CCDC78: variants seen among roughly 807,000 people sequenced by gnomAD.
CCDC78 encodes the protein coiled-coil domain-containing protein 78.
CCDC78 carries 78 observed loss-of-function variants against 61.9 expected under a neutral mutation model. The ratio of observed to expected loss-of-function variants is 1.26; its 90% confidence interval spans 1.05 to 1.52. The LOEUF is 1.52. Ranked by LOEUF, CCDC78 falls within the 40% of genes most tolerant of loss-of-function variation. The pLI is 0.00. For synonymous variants in CCDC78, 287 were observed against 251.9 expected (o/e 1.14, Z -1.32); for missense variants, 737 against 615.5 (o/e 1.20, Z -2.09).
chr16:725,072 ACT>A lies in CCDC78; in HGVS notation c.560+4_560+5del. On this transcript the variant is annotated splice_donor_5th_base_variant and intron_variant, in intron 6 of 13. Coordinates refer to ENST00000345165, the MANE Select transcript of CCDC78 (RefSeq NM_001378030.1). ...GGATGGGGCCCCAGGTGAGATGGCC[ACT>A]CACACACGCGTCACCAGTGCCTGCT... 6.2e-7 allele frequency: 1 copy of A among 1,612,594 alleles called. No individual in the cohort carries two copies.
At position 726,068 on chromosome 16, in the gene CCDC78, C is replaced by T. The variant is rs751982857; in HGVS notation, c.78G>A (p.Lys26=). The T allele has an allele frequency of 6.5e-7, 1 of 1,548,650 alleles. No individual in the cohort carries two copies. Among genetic ancestry groups the T allele is most frequent in the Non-Finnish European group, 8.7e-7 (1 of 1,146,702 alleles). ...RRVENVVLRA[K]DWLPGAPGGT... is the part of the protein sequence containing the mutation. ...CCCCAGGAGCTCCTGGCAGCCAGTC[C>T]TTGGCTCGTAGCACAACCTGGGGAG... Residue 26 remains lysine, a synonymous_variant, in exon 2 of 14, where the codon AAG becomes AAA. Transcript: ENST00000345165.
At position 722,976 on chromosome 16, in the gene CCDC78, A is replaced by G. The variant is rs1180613590; in HGVS notation, c.1247T>C (p.Met416Thr). The G allele has an allele frequency of 8.1e-6, 13 of 1,612,360 alleles. No homozygotes were observed. Among genetic ancestry groups the G allele is most frequent in the African/African-American group, 4.0e-5 (3 of 74,930 alleles). Residue 416 changes from methionine (M) to threonine (T), a missense_variant, in exon 13 of 14, where the codon ATG becomes ACG. Met to Thr is a moderately conservative substitution (Grantham distance 81). Transcript: ENST00000345165. The stretch of plus-strand genomic sequence containing the variant: ...TAGCTCAGAAAGTTGCTCTTCAGCC[A>G]TCGTGGCCCGGACCAGCAGCTGTGC... ...ERAQLLVRAT[M>T]AEEQLSELQE...
At chr16:724,558 C>T (rs1430293000) in intron 8 of CCDC78, 49 bp from the exon 9 acceptor site, 3 of 1,562,326 alleles carry the variant, frequency 1.9e-6, no homozygotes, top group South Asian at 1.1e-5. Flanking sequence ...CCATCTTTTC[C>T]AACCATCCCC....
intron 11 of CCDC78, 22 bp from the exon 12 acceptor site, chr16:723,183 G>A (rs2040396592): frequency 4.3e-6 from 7 of 1,611,698 alleles, no homozygotes; most frequent in East Asian, 2.2e-5. Flanking sequence ...GAGGAAAGGA[G>A]GAGTGGTTTT....
chr16:726,063 C>G lies in CCDC78; in HGVS notation c.83G>C (p.Trp28Ser). Residue 28 changes from tryptophan (W) to serine (S), a missense_variant, in exon 2 of 14, where the codon TGG becomes TCG. Coordinates refer to ENST00000345165, the MANE Select transcript of CCDC78 (RefSeq NM_001378030.1). The part of the protein sequence containing the change: ...VENVVLRAKD[W>S]LPGAPGGTAV... The stretch of plus-strand genomic sequence containing the variant: ...GGTGCCCCCAGGAGCTCCTGGCAGC[C>G]AGTCCTTGGCTCGTAGCACAACCTG... The G allele has an allele frequency of 1.9e-6, 3 of 1,548,754 alleles. No individual in the cohort carries two copies. In the South Asian group the frequency reaches 3.6e-5, roughly 18 times the overall value.
intron 3 of CCDC78, 79 bp from the exon 4 acceptor site, chr16:725,659 C>T (rs2040834594): frequency 1.3e-6 from 2 of 1,577,094 alleles, no homozygotes; most frequent in Non-Finnish European, 1.7e-6. Context: ...GGTGCACGCT[C>T]AGGGGCGCGC....
chr16:725,387 C>A (rs766880200), intron 4 of CCDC78, 26 bp downstream of exon 4: 19 of 1,611,842 alleles, frequency 1.2e-5, no homozygotes, highest in Non-Finnish European at 1.6e-5. Flanking sequence ...CTTTCCCAGC[C>A]AGGCTCTCCA....
rs1046402338 is a variant in CCDC78, at chr16:726,318, C to A, written c.50G>T (p.Arg17Leu). ...TGPRPGPPSR[R>L]VENVVLRAKD... ...TCCCAGAGGACTCACATTCTCCACCCGCCGAGAGGGAGGTCCAGGCCTGGG... is the reference window on the plus strand; with the variant it reads ...TCCCAGAGGACTCACATTCTCCACCAGCCGAGAGGGAGGTCCAGGCCTGGG... The change falls in exon 1 of 14, where the codon CGG becomes CTG. Residue 17 changes from arginine to leucine, a missense_variant. Coordinates refer to ENST00000345165, the MANE Select transcript of CCDC78 (RefSeq NM_001378030.1). The A allele has an allele frequency of 7.1e-6, 11 of 1,548,344 alleles. No individual in the cohort carries two copies. The African/African-American group carries it at 1.2e-4, about 17-fold the overall frequency.
chr16:722,889 G>A (rs754584711), intron 13 of CCDC78, 33 bp downstream of exon 13: 1 of 1,610,604 alleles, frequency 6.2e-7, no homozygotes, highest in South Asian at 1.1e-5. Flanking sequence ...CCAGACCAGG[G>A]CCCTGGGGTC....
chr16:723,313 G>GCC lies in CCDC78; in HGVS notation c.1134-154_1134-153dup, dbSNP rs548208034. 1.5e-3 allele frequency: 1,218 copies of GCC among 803,296 alleles called. 5 individuals carry two copies. Among genetic ancestry groups the GCC allele is most frequent in the South Asian group, 4.9e-3 (334 of 67,890 alleles). 49.8% of individuals were successfully genotyped at this position (803,296 alleles called of 1,614,324 possible). ...TGGGCCCCCCCCGTGCTCCTGTGGCGCCCCCCCCAGGCCTTGGAGCCATCC... is the reference window on the plus strand; with the variant it reads ...TGGGCCCCCCCCGTGCTCCTGTGGCGCCCCCCCCCCAGGCCTTGGAGCCATCC... On this transcript the variant is annotated intron_variant, in intron 11 of 13. Transcript: ENST00000345165.
chr16:724,688 T>G lies in CCDC78; in HGVS notation c.758A>C (p.Gln253Pro), dbSNP rs1438721597. ...TGCTCCTGCAGGGCTCACCACTGCC[T>G]GCCAGGCGCAGTGTTGCAGCCGTAG... ...YVLRLQHCAWQAVEHADGAGQ... is the reference protein window; with the variant it reads ...YVLRLQHCAWPAVEHADGAGQ... Residue 253 changes from glutamine to proline, a missense_variant, in exon 8 of 14, where the codon CAG (glutamine) becomes CCG (proline). Coordinates refer to ENST00000345165, the MANE Select transcript of CCDC78 (RefSeq NM_001378030.1). 1 of 1,610,536 alleles carries G rather than the reference T, an allele frequency of 6.2e-7. No individual in the cohort carries two copies. Among genetic ancestry groups the G allele is most frequent in the East Asian group, 2.2e-5 (1 of 44,868 alleles).
Position 724,797 on chromosome 16 carries a change from TGCACA to T in CCDC78, c.644_648del (p.Leu215GlnfsTer12). ...GCCTGACGGAGCTGGCCTTGGCAGC[TGCACA>T]GCACCTGGGGTGGAAGCAGCCCTCC... is the stretch of plus-strand genomic sequence containing the variant. On this transcript the variant is annotated frameshift_variant, in exon 8 of 14. Coordinates refer to ENST00000345165, the MANE Select transcript of CCDC78 (RefSeq NM_001378030.1). LOFTEE classifies it high-confidence loss of function. The T allele has an allele frequency of 6.2e-7, 1 of 1,612,150 alleles. No homozygotes were observed. The highest frequency in any genetic ancestry group is 8.5e-7 in the Non-Finnish European group (1 of 1,179,786).
At position 726,438 on chromosome 16, in the gene CCDC78, G is replaced by C. The variant is rs1224321420; in HGVS notation, c.-71C>G. On this transcript the variant is annotated 5_prime_UTR_variant, in exon 1 of 14. Transcript: ENST00000345165. ...GCCCGGCTTCCCCATGGCTGCTGCTGCCACTGGCACTGCTAAGTGCGTTGC... is the reference window on the plus strand; with the variant it reads ...GCCCGGCTTCCCCATGGCTGCTGCTCCCACTGGCACTGCTAAGTGCGTTGC... The C allele has an allele frequency of 1.3e-6, 2 of 1,491,458 alleles. No individual in the cohort carries two copies. Among genetic ancestry groups the C allele is most frequent in the East Asian group, 4.9e-5 (2 of 40,488 alleles). The allele number at this position is 1,491,458 out of a possible 1,614,324, so 92.4% of individuals were successfully genotyped here.
intron 10 of CCDC78, 33 bp from the exon 11 acceptor site, chr16:723,969 G>A: frequency 3.7e-6 from 6 of 1,600,158 alleles, no homozygotes; most frequent in Non-Finnish European, 2.6e-6. Context: ...CGTTTCAGTT[G>A]GCTGAACAAG....
rs1480249703 is a variant in CCDC78, at chr16:724,473, T to C, written c.802A>G (p.Thr268Ala). 1 of 1,600,974 alleles carries C rather than the reference T, an allele frequency of 6.2e-7. No individual in the cohort carries two copies. Among genetic ancestry groups the C allele is most frequent in the African/African-American group, 1.3e-5 (1 of 74,910 alleles). The change falls in exon 9 of 14, where the codon ACG (threonine) becomes GCG (alanine). Residue 268 changes from threonine (T) to alanine (A), a missense_variant. Transcript: ENST00000345165. ...GCCTCCAGGAATGTCCGGAGGGCCG[T>C]GGTGGCTGGCGCTTGGCCTGCACCA... is the stretch of plus-strand genomic sequence containing the variant. ...ADGAGQAPAT[T>A]ALRTFLEATL...
intron 3 of CCDC78, 53 bp from the exon 4 acceptor site, chr16:725,633 A>G (rs2040829601): frequency 2.5e-6 from 4 of 1,590,026 alleles, no homozygotes; most frequent in Non-Finnish European, 3.4e-6. Context: ...CACCTGGGGT[A>G]GGTGAACATT....
chr16:726,322 G>C lies in CCDC78; in HGVS notation c.46C>G (p.Arg16Gly), dbSNP rs746792512. The C allele has an allele frequency of 7.1e-6, 11 of 1,548,284 alleles. No individual in the cohort carries two copies. In the Admixed American group the frequency reaches 7.9e-5, roughly 11 times the overall value. ...TTGPRPGPPS[R>G]RVENVVLRAK... ...AGAGGACTCACATTCTCCACCCGCC[G>C]AGAGGGAGGTCCAGGCCTGGGGCCT... Residue 16 changes from arginine (R) to glycine (G), a missense_variant, in exon 1 of 14, where the codon CGG becomes GGG. Physicochemically the swap from Arg to Gly is moderately radical, Grantham distance 125. Coordinates refer to ENST00000345165, the MANE Select transcript of CCDC78 (RefSeq NM_001378030.1).
chr16:722,892 C>T (rs778293175), intron 13 of CCDC78, 30 bp downstream of exon 13: 2 of 1,611,272 alleles, frequency 1.2e-6, no homozygotes, highest in South Asian at 2.2e-5. Context: ...GACCAGGGCC[C>T]TGGGGTCACA....
At chr16:724,846 G>C in intron 7 of CCDC78, 40 bp from the exon 8 acceptor site, 1 of 1,608,732 alleles carries the variant, frequency 6.2e-7, no homozygotes, top group Non-Finnish European at 8.5e-7. Flanking sequence ...CCTGAGAGTG[G>C]ACCCCGGCTG....
Sources: gnomAD v4.1 joint callset for allele counts on GRCh38, gnomAD v4.1.1 for gene constraint, MANE v1.5 for transcripts, NCBI Gene and HGNC (gene_info 2026-07-23, HGNC 2026-07-21) for gene names.